The following RUVBL2 variants were observed in gnomAD, a reference collection of about 807,000 sequenced individuals.
RUVBL2 encodes ruvB-like 2.
In RUVBL2, 9 loss-of-function variants were observed where a neutral mutation model predicts 57.9. That is an observed-to-expected ratio of 0.16 (90% confidence interval 0.09 to 0.27). RUVBL2 has a LOEUF of 0.27. Ranked by LOEUF, RUVBL2 falls within the 10% of genes least tolerant of loss-of-function variation. The pLI is 1.00. For synonymous variants in RUVBL2, 278 were observed against 264.6 expected (o/e 1.05, Z -0.49); for missense variants, 456 against 669.6 (o/e 0.68, Z 3.52).
chr19:49,010,849 C>A, intron 9 of RUVBL2, 150 bp from the exon 10 acceptor site: 1 of 853,278 alleles, frequency 1.2e-6, no homozygotes, highest in Non-Finnish European at 1.9e-6. Flanking sequence ...CTCTGTTCCT[C>A]CTCTTTGGGG....
rs1347555109 is a variant in RUVBL2, at chr19:49,004,282, G to A, written c.129G>A (p.Ser43=). 5 of 1,611,550 alleles carry A rather than the reference G, an allele frequency of 3.1e-6. No homozygotes were observed. Among genetic ancestry groups the A allele is most frequent in the East Asian group, 2.2e-5 (1 of 44,868 alleles). ...LDDALEPRQA[S]QGMVGQLAAR... ...TGTGCGCCTCCCACCCACAGGCTTC[G>A]CAAGGCATGGTGGGTCAGCTGGCGG... The change falls in exon 4 of 15, where the codon TCG becomes TCA. Residue 43 remains serine (S), a synonymous_variant. Coordinates refer to ENST00000595090, the MANE Select transcript of RUVBL2 (RefSeq NM_006666.3).
rs749057285 is a variant in RUVBL2, at chr19:49,015,565, C to A, written c.1252-7C>A. 1 of 1,609,552 alleles carries A rather than the reference C, an allele frequency of 6.2e-7. No homozygotes were observed. The highest frequency in any genetic ancestry group is 1.3e-5 in the African/African-American group (1 of 74,984). On this transcript the variant is annotated splice_polypyrimidine_tract_variant and splice_region_variant and intron_variant, in intron 13 of 14. Transcript: ENST00000595090. ...GGCCCAACTGAGGACTCGCCCTCCC[C>A]CTCCAGGGTACAGAAGTGCAGGTGG...
chr19:49,011,889 ACTGTG>A lies in RUVBL2; in HGVS notation c.1001+588_1001+592del, dbSNP rs538649431. 2.5e-4 allele frequency among the ~76,000 whole-genome samples: 30 copies of A among 120,302 alleles called. No individual in the cohort carries two copies. Among genetic ancestry groups the A allele is most frequent in the Non-Finnish European group, 5.0e-4 (25 of 50,258 alleles). The allele number at this position is 120,302 out of a possible 152,430, so 78.9% of individuals were successfully genotyped here. On this transcript the variant is annotated intron_variant, in intron 11 of 14. Coordinates refer to ENST00000595090, the MANE Select transcript of RUVBL2 (RefSeq NM_006666.3). The surrounding 1 kb of genome is among the most constrained non-coding windows in gnomAD (Gnocchi z 4.4). The stretch of plus-strand genomic sequence containing the variant: ...GACAGATTCCTGTGACACAGAGGGT[ACTGTG>A]CTGTGCTGAAGCCTGGGAACCTCGT...
At chr19:49,010,649 C>T (rs780739651) in intron 9 of RUVBL2, 38 bp downstream of exon 9, 1 of 1,610,712 alleles carries the variant, frequency 6.2e-7, no homozygotes, top group Non-Finnish European at 8.5e-7. Context: ...CTGCCCTGCC[C>T]CAGGCCTAGC....
intron 1 of RUVBL2, among the ~76,000 whole-genome samples, chr19:48,999,010 G>C (rs1325457139): frequency 6.6e-6 from 1 of 151,714 alleles, no homozygotes; most frequent in Non-Finnish European, 1.5e-5. Context: ...CTGGGTGACA[G>C]AGCGAGACTT....
At chr19:49,012,106 G>A (rs78537284) in intron 11 of RUVBL2, among the ~76,000 whole-genome samples, 12,090 of 152,156 alleles carry the variant, frequency 0.079, 521 homozygotes, top group Middle Eastern at 0.13. Context: ...TCCATTGCCC[G>A]GCACTGCTTG....
upstream of RUVBL2, chr19:48,993,755 A>C: frequency 3.3e-6 from 3 of 916,642 alleles, no homozygotes; most frequent in South Asian, 4.5e-5. Context: ...CCTCGGTGGG[A>C]GGGCGGGGCA....
intron 8 of RUVBL2, 150 bp from the exon 9 acceptor site, chr19:49,010,338 C>T (rs1465021394): frequency 8.6e-6 from 7 of 811,452 alleles, no homozygotes; most frequent in Non-Finnish European, 1.2e-5. Flanking sequence ...CTGACTACCT[C>T]CTGGGCCTGG....
intron 1 of RUVBL2, among the ~76,000 whole-genome samples, chr19:48,998,413 G>A (rs1414694599): frequency 1.3e-5 from 2 of 151,944 alleles, no homozygotes; most frequent in Non-Finnish European, 2.9e-5. Flanking sequence ...GGGAGGACTT[G>A]TCTGGGCACG....
At chr19:49,010,105 C>G (rs2039380936) in intron 8 of RUVBL2, 39 bp downstream of exon 8, 7 of 1,577,104 alleles carry the variant, frequency 4.4e-6, no homozygotes, top group Non-Finnish European at 6.1e-6. Flanking sequence ...GCCCCCAGCA[C>G]TGGGGTGTTT....
chr19:48,993,487 C>T (rs1052007006), upstream of RUVBL2: 26 of 424,304 alleles, frequency 6.1e-5, no homozygotes, highest in African/African-American at 4.6e-4. Context: ...CTCCAGGGGG[C>T]GGAGCTTGCC....
intron 11 of RUVBL2, among the ~76,000 whole-genome samples, chr19:49,014,026 C>T (rs945525114): frequency 1.3e-5 from 2 of 152,262 alleles, no homozygotes; most frequent in Admixed American, 6.5e-5. Flanking sequence ...GAGCCTAACC[C>T]TGTATTCCAG....
intron 1 of RUVBL2, among the ~76,000 whole-genome samples, chr19:48,998,413 G>C (rs1414694599): frequency 6.6e-6 from 1 of 151,830 alleles, no homozygotes; most frequent in Non-Finnish European, 1.5e-5. Context: ...GGGAGGACTT[G>C]TCTGGGCACG....
chr19:49,011,139 G>A lies in RUVBL2; in HGVS notation c.882+46G>A. On this transcript the variant is annotated intron_variant, in intron 10 of 14. Coordinates refer to ENST00000595090, the MANE Select transcript of RUVBL2 (RefSeq NM_006666.3). The surrounding 1 kb of genome is among the most constrained non-coding windows in gnomAD (Gnocchi z 4.4). ...CGGGGCGGGTGGTGGGGTGGAGGTG[G>A]GCCGGGGAAGTGGGGACGCGGGTGG... 1 of 1,607,548 alleles carries A rather than the reference G, an allele frequency of 6.2e-7. No homozygotes were observed. Among genetic ancestry groups the A allele is most frequent in the Non-Finnish European group, 8.5e-7 (1 of 1,175,772 alleles).
chr19:49,010,881 T>C, intron 9 of RUVBL2, 118 bp from the exon 10 acceptor site: 1 of 989,236 alleles, frequency 1.0e-6, no homozygotes, highest in Non-Finnish European at 1.6e-6. Flanking sequence ...TCCTCATCCC[T>C]CCTTGCTTTG....
chr19:48,993,832 C>A, upstream of RUVBL2: 1 of 1,562,662 alleles, frequency 6.4e-7, no homozygotes, highest in Non-Finnish European at 8.8e-7. Context: ...TTTGAAGAAC[C>A]AGCTAGCCTA....
At chr19:49,014,148 G>A (rs2039492506) in intron 11 of RUVBL2, among the ~76,000 whole-genome samples, 1 of 152,318 alleles carries the variant, frequency 6.6e-6, no homozygotes, top group Middle Eastern at 3.4e-3. Context: ...GCCCTGGGCT[G>A]GCCCCGCTGC....
In RUVBL2 at chr19:49,000,268, T is replaced by C. The variant is rs148161810; in HGVS notation, c.67+895T>C. Among the ~76,000 whole-genome samples the C allele has an allele frequency of 4.8e-3, 727 of 152,366 alleles. 5 individuals carry two copies. Among genetic ancestry groups the C allele is most frequent in the African/African-American group, 0.016 (683 of 41,592 alleles). On this transcript the variant is annotated intron_variant, in intron 2 of 14. Coordinates refer to ENST00000595090, the MANE Select transcript of RUVBL2 (RefSeq NM_006666.3). ...ACACTGTTTCATCTATTAAAAGTGC[T>C]GGGGCACTGGGTGCAGTGGCTCATG... is the stretch of plus-strand genomic sequence containing the variant.
At chr19:49,010,356 A>G in intron 8 of RUVBL2, 132 bp from the exon 9 acceptor site, 2 of 927,328 alleles carry the variant, frequency 2.2e-6, no homozygotes, top group East Asian at 2.5e-5. Flanking sequence ...TGGGGTTTCC[A>G]GATGACCCCA....
Sources: gnomAD v4.1 joint callset for allele counts (sites outside exome capture counted in the v4.1 genomes callset) on GRCh38, gnomAD v4.1.1 for gene constraint, Gnocchi (gnomAD v3.1) non-coding constraint, MANE v1.5 for transcripts, NCBI Gene and HGNC (gene_info 2026-07-23, HGNC 2026-07-21) for gene names.